B4GALT4: variants seen among roughly 807,000 people sequenced by gnomAD.
B4GALT4 encodes the protein N-acetyllactosamine synthase.
In B4GALT4, 27 loss-of-function variants were observed where a neutral mutation model predicts 37.3. The observed-to-expected ratio is 0.72, with a 90% CI of 0.53 to 1.00. The LOEUF (loss-of-function observed/expected upper bound fraction) is 1.00. Among genes scored for constraint, B4GALT4 ranks in the 50% least tolerant of loss-of-function variants. B4GALT4 has a pLI of 0.00. For synonymous variants in B4GALT4, 148 were observed against 154.1 expected, an observed-to-expected ratio of 0.96 and a Z score of 0.29; for missense variants, 372 against 413.1, an observed-to-expected ratio of 0.90 and a Z score of 0.86.
chr3:119,224,301 T>C, intron 4 of B4GALT4, 56 bp from the exon 5 acceptor site: 1 of 1,418,286 alleles, frequency 7.1e-7, no homozygotes, highest in Non-Finnish European at 9.6e-7. Context: ...TTCATATTGT[T>C]TGCCTCTTAG....
At chr3:119,223,787 G>A (rs972473479) in intron 5 of B4GALT4, among the ~76,000 whole-genome samples, 10 of 152,324 alleles carry the variant, frequency 6.6e-5, no homozygotes, top group African/African-American at 2.2e-4. Context: ...CGACAGGGGC[G>A]CTGCGGGTGA....
chr3:119,239,588 G>T (rs2079086995), intron 1 of B4GALT4, among the ~76,000 whole-genome samples: 1 of 152,132 alleles, frequency 6.6e-6, no homozygotes, highest in African/African-American at 2.4e-5. Context: ...ATATTAAGTG[G>T]CATATAAACT....
chr3:119,240,564 C>G (rs2079126309), intron 1 of B4GALT4: 1 of 152,258 alleles, frequency 6.6e-6, no homozygotes, highest in South Asian at 2.1e-4. Context: ...TTTTTTCCTA[C>G]CCGGCAGCAC....
At position 119,224,044 on chromosome 3, in the gene B4GALT4, C is replaced by G; in HGVS notation, c.674+14G>C. 1 of 1,597,830 alleles carries G rather than the reference C, an allele frequency of 6.3e-7. No homozygotes were observed. The highest frequency in any genetic ancestry group is 8.5e-7 in the Non-Finnish European group (1 of 1,172,910). ...GCTTCTCGACCTAAGCCACCCTCAG[C>G]AGAACCACCTTACCTGTACCCAGTG... is the stretch of plus-strand genomic sequence containing the variant. On this transcript the variant is annotated intron_variant, in intron 5 of 7. Coordinates refer to ENST00000393765, the MANE Select transcript of B4GALT4 (RefSeq NM_003778.4).
intron 5 of B4GALT4, among the ~76,000 whole-genome samples, chr3:119,220,561 G>A (rs1171569044): frequency 1.3e-5 from 2 of 152,208 alleles, no homozygotes; most frequent in Non-Finnish European, 2.9e-5. Context: ...ATTCAAATAG[G>A]CAGAAAAATG....
At position 119,223,224 on chromosome 3, in the gene B4GALT4, C is replaced by A. The variant is rs560420519; in HGVS notation, c.674+834G>T. 1.2e-4 allele frequency among the ~76,000 whole-genome samples: 18 copies of A among 152,376 alleles called. No homozygotes were observed. In the South Asian group the frequency reaches 3.5e-3, roughly 30 times the overall value. ...AGCTACCTGTCTCCCCACACTGACA[C>A]TCAACGGGGAGCCCTGTGAGGGCAG... is the stretch of plus-strand genomic sequence containing the variant. On this transcript the variant is annotated intron_variant, in intron 5 of 7. Transcript: ENST00000393765.
Position 119,212,410 on chromosome 3 carries a change from A to C in B4GALT4, c.*139T>G. 1.2e-6 allele frequency: 1 copy of C among 831,926 alleles called. No homozygotes were observed. The highest frequency in any genetic ancestry group is 1.7e-5 in the African/African-American group (1 of 58,148). 51.5% of individuals were successfully genotyped at this position (831,926 alleles called of 1,614,324 possible). ...CTCTACATCACCAGGAGCTCTGCTA[A>C]GAAAATACAAAAAGGAAAAATTCAG... On this transcript the variant is annotated 3_prime_UTR_variant, in exon 8 of 8. Transcript: ENST00000393765.
chr3:119,231,631 T>C (rs1221338306), intron 2 of B4GALT4, among the ~76,000 whole-genome samples: 2 of 151,448 alleles, frequency 1.3e-5, no homozygotes, highest in African/African-American at 4.8e-5. Context: ...AGAAAGCTAA[T>C]AATAATTATA....
chr3:119,215,761 A>T (rs2078273661), intron 7 of B4GALT4: 1 of 152,226 alleles, frequency 6.6e-6, no homozygotes, highest in South Asian at 2.1e-4. Context: ...GGGAACCTAC[A>T]TATTAAAAGA....
chr3:119,213,372 T>C (rs2107452174), intron 7 of B4GALT4: 1 of 152,350 alleles, frequency 6.6e-6, no homozygotes, highest in East Asian at 1.9e-4. Context: ...TTCTACTTGT[T>C]CAGCAGTGAA....
At chr3:119,238,705 A>G (rs1429172446) in intron 1 of B4GALT4, among the ~76,000 whole-genome samples, 2 of 152,224 alleles carry the variant, frequency 1.3e-5, no homozygotes, top group Non-Finnish European at 2.9e-5. Context: ...AACAGCGTAT[A>G]TAGGGTTTGG....
At chr3:119,236,000 T>G (rs149828584) in intron 2 of B4GALT4, among the ~76,000 whole-genome samples, 1 of 152,300 alleles carries the variant, frequency 6.6e-6, no homozygotes, top group East Asian at 1.9e-4. Flanking sequence ...CACCACTTAA[T>G]AACTGTTGCA....
chr3:119,230,158 A>T lies in B4GALT4; in HGVS notation c.-59T>A. ...GCTTCACTGCAGGCAAGAAAGCTTC[A>T]AGTTGAGCTTTTCCAATCTGATTGC... On this transcript the variant is annotated 5_prime_UTR_variant, in exon 3 of 8. Coordinates refer to ENST00000393765, the MANE Select transcript of B4GALT4 (RefSeq NM_003778.4). 6.3e-7 allele frequency: 1 copy of T among 1,587,504 alleles called. No individual in the cohort carries two copies. Among genetic ancestry groups the T allele is most frequent in the Non-Finnish European group, 8.6e-7 (1 of 1,165,674 alleles).
At chr3:119,223,702 CTA>C (rs1418083153) in intron 5 of B4GALT4, among the ~76,000 whole-genome samples, 1 of 152,022 alleles carries the variant, frequency 6.6e-6, no homozygotes. Context: ...CTGTTGCCTC[CTA>C]GAGGGGGAGT....
In B4GALT4 at chr3:119,224,161, T is replaced by G; in HGVS notation, c.571A>C (p.Ile191Leu). Residue 191 changes from isoleucine (I) to leucine (L), a missense_variant, in exon 5 of 8, where the codon ATA becomes CTA. Coordinates refer to ENST00000393765, the MANE Select transcript of B4GALT4 (RefSeq NM_003778.4). ...GGTACCAGGTCCACATCGTGGAATATAAAGCAGTCCCAATTTTCTTCCTTG... is the reference window on the plus strand; with the variant it reads ...GGTACCAGGTCCACATCGTGGAATAGAAAGCAGTCCCAATTTTCTTCCTTG... ...ALKEENWDCFIFHDVDLVPEN... is the reference protein window; with the variant it reads ...ALKEENWDCFLFHDVDLVPEN... 6.2e-7 allele frequency: 1 copy of G among 1,614,098 alleles called. No individual in the cohort carries two copies. Among genetic ancestry groups the G allele is most frequent in the Non-Finnish European group, 8.5e-7 (1 of 1,179,984 alleles).
intron 4 of B4GALT4, 62 bp downstream of exon 4, chr3:119,226,747 T>A (rs1398626961): frequency 3.5e-6 from 5 of 1,423,448 alleles, no homozygotes; most frequent in Non-Finnish European, 4.9e-6. Context: ...AACAGTCACA[T>A]GGCCAAGTCT....
rs2107462796 is a variant in B4GALT4, at chr3:119,216,304, C to T, written c.838G>A (p.Glu280Lys). ...AAGACCATTGTATATTTACCCACTT[C>T]AGGCAGGGGCCGGGAAATTTTCATT... ...QRMKISRPLPEVGKYTMVFHT... is the reference protein window; with the variant it reads ...QRMKISRPLPKVGKYTMVFHT... Residue 280 changes from glutamate to lysine, a missense_variant, in exon 7 of 8, where the codon GAA (glutamate) becomes AAA (lysine). Physicochemically the swap from Glu to Lys is moderately conservative, Grantham distance 56. Transcript: ENST00000393765. The T allele has an allele frequency of 1.9e-6, 3 of 1,613,894 alleles. No homozygotes were observed. The highest frequency in any genetic ancestry group is 4.5e-5 in the East Asian group (2 of 44,862).
At chr3:119,232,193 G>A (rs185261760) in intron 2 of B4GALT4, among the ~76,000 whole-genome samples, 197 of 152,264 alleles carry the variant, frequency 1.3e-3, no homozygotes, top group African/African-American at 4.6e-3. Flanking sequence ...AAACAATATG[G>A]CCTGTGTTCA....
rs377577999 is a variant in B4GALT4, at chr3:119,227,054, T to C, written c.254-13A>G. The stretch of plus-strand genomic sequence containing the variant: ...TTGCTCTGGCCTCCTACAATGAACA[T>C]AGGACACAGACAATAACAGTAGCTA... On this transcript the variant is annotated splice_polypyrimidine_tract_variant and intron_variant, in intron 3 of 7. Transcript: ENST00000393765. The C allele has an allele frequency of 1.0e-4, 161 of 1,608,766 alleles. No individual in the cohort carries two copies. The highest frequency in any genetic ancestry group is 1.3e-4 in the South Asian group (12 of 90,976).
Sources: allele counts gnomAD v4.1 joint callset (sites outside exome capture counted in the v4.1 genomes callset), GRCh38; gene constraint gnomAD v4.1.1; transcripts MANE v1.5; gene names NCBI Gene and HGNC (gene_info 2026-07-23, HGNC 2026-07-21).